NPR3: variants seen among roughly 807,000 people sequenced by gnomAD.
The protein encoded by NPR3 is natriuretic peptide receptor 3.
NPR3 carries 34 observed loss-of-function variants against 54.5 expected under a neutral mutation model. The ratio of observed to expected loss-of-function variants is 0.62; its 90% CI spans 0.47 to 0.83. The LOEUF is 0.83. Among genes scored for constraint, NPR3 ranks in the 40% least tolerant of loss-of-function variants. NPR3 has a pLI of 0.00. For synonymous variants in NPR3, 289 were observed against 297.1 expected (o/e 0.97, Z 0.28); for missense variants, 674 against 720.8 (o/e 0.94, Z 0.74).
chr5:32,780,034 T>C (rs1441149199), intron 4 of NPR3, among the ~76,000 whole-genome samples: 5 of 152,154 alleles, frequency 3.3e-5, no homozygotes, highest in Non-Finnish European at 5.9e-5. Context: ...AGTGGTTAGA[T>C]TCTGATGTGA....
At chr5:32,740,703 A>G (rs1299048338) in intron 3 of NPR3, among the ~76,000 whole-genome samples, 1 of 152,168 alleles carries the variant, frequency 6.6e-6, no homozygotes, top group East Asian at 1.9e-4. Context: ...AAAATTATTA[A>G]TGAGATTTTA....
intron 3 of NPR3, among the ~76,000 whole-genome samples, chr5:32,769,385 G>A (rs1741635865): frequency 6.6e-6 from 1 of 152,140 alleles, no homozygotes; most frequent in Non-Finnish European, 1.5e-5. Flanking sequence ...AGGAGGGCTG[G>A]ACCAGTTTCA....
intron 2 of NPR3, among the ~76,000 whole-genome samples, chr5:32,726,140 T>TA (rs1739126331): frequency 6.6e-6 from 1 of 152,162 alleles, no homozygotes; most frequent in African/African-American, 2.4e-5. Flanking sequence ...AGTGTGTATA[T>TA]CACAAATGGC....
At chr5:32,738,289 C>T (rs776265824) in intron 2 of NPR3, among the ~76,000 whole-genome samples, 1 of 151,850 alleles carries the variant, frequency 6.6e-6, no homozygotes, top group South Asian at 2.1e-4. Flanking sequence ...CCTTCCCCTG[C>T]CCCCCACCCC....
At position 32,775,281 on chromosome 5, in the gene NPR3, T is replaced by C. The variant is rs373316387; in HGVS notation, c.1195+438T>C. ...GGTTTGAGATGATTAGCAGGTTCAATTGAGGCCTCTGCATTTTTTTTTTTT... is the reference window on the plus strand; with the variant it reads ...GGTTTGAGATGATTAGCAGGTTCAACTGAGGCCTCTGCATTTTTTTTTTTT... On this transcript the variant is annotated intron_variant, in intron 4 of 7. Coordinates refer to ENST00000265074, the MANE Select transcript of NPR3 (RefSeq NM_001204375.2). Among the ~76,000 whole-genome samples, 36 of 146,414 alleles carry C rather than the reference T, an allele frequency of 2.5e-4. 1 individual carries two copies. The highest frequency in any genetic ancestry group is 6.9e-3 in the Middle Eastern group (2 of 290).
At chr5:32,713,120 C>T in intron 1 of NPR3, 1 of 960,926 alleles carries the variant, frequency 1.0e-6, no homozygotes, top group Non-Finnish European at 1.2e-6. Flanking sequence ...ATTTCCCTTC[C>T]AGCCCCTTAT....
At chr5:32,743,043 T>G (rs959656375) in intron 3 of NPR3, among the ~76,000 whole-genome samples, 1 of 152,228 alleles carries the variant, frequency 6.6e-6, no homozygotes, top group Admixed American at 6.5e-5. Flanking sequence ...CAGACTATAC[T>G]GAAGCATTGA....
chr5:32,767,760 C>G (rs949330001), intron 3 of NPR3, among the ~76,000 whole-genome samples: 7 of 151,792 alleles, frequency 4.6e-5, no homozygotes, highest in Non-Finnish European at 8.8e-5. Flanking sequence ...AAAAAAAAAG[C>G]CATCCATATA....
At chr5:32,779,597 C>T (rs2112063276) in intron 4 of NPR3, among the ~76,000 whole-genome samples, 1 of 152,230 alleles carries the variant, frequency 6.6e-6, no homozygotes, top group South Asian at 2.1e-4. Context: ...GGCAGATACA[C>T]CTAGGCCAGC....
chr5:32,782,094 A>G (rs1201684612), intron 5 of NPR3, among the ~76,000 whole-genome samples: 1 of 152,218 alleles, frequency 6.6e-6, no homozygotes, highest in Non-Finnish European at 1.5e-5. Context: ...GAATTAAACC[A>G]TAACAGAATA....
chr5:32,724,579 G>C, intron 1 of NPR3, 119 bp from the exon 2 acceptor site: 1 of 1,144,836 alleles, frequency 8.7e-7, no homozygotes, highest in Non-Finnish European at 1.3e-6. Context: ...TGATTGTGAG[G>C]AGATACTTCA....
chr5:32,711,765 T>C lies in NPR3; in HGVS notation c.-12T>C, dbSNP rs1284556649. On this transcript the variant is annotated 5_prime_UTR_variant, in exon 1 of 8. Coordinates refer to ENST00000265074, the MANE Select transcript of NPR3 (RefSeq NM_001204375.2). Reference sequence around the variant, plus strand: ...TCGGCGGCGGCGAGGGCAAGCTCTTTCTTGCGGCACGATGCCGTCTCTGCT... The same window carrying C: ...TCGGCGGCGGCGAGGGCAAGCTCTTCCTTGCGGCACGATGCCGTCTCTGCT... 71 of 1,415,368 alleles carry C rather than the reference T, an allele frequency of 5.0e-5. No individual in the cohort carries two copies. The highest frequency in any genetic ancestry group is 6.2e-5 in the Non-Finnish European group (67 of 1,084,590). The allele number at this position is 1,415,368 out of a possible 1,614,324, so 87.7% of individuals were successfully genotyped here.
At chr5:32,725,246 G>T (rs3792761) in intron 2 of NPR3, among the ~76,000 whole-genome samples, 1 of 151,962 alleles carries the variant, frequency 6.6e-6, no homozygotes, top group Non-Finnish European at 1.5e-5. Flanking sequence ...ACATGTACCC[G>T]TTGTATCTAG....
chr5:32,764,753 A>T (rs1281204561), intron 3 of NPR3, among the ~76,000 whole-genome samples: 1 of 133,088 alleles, frequency 7.5e-6, no homozygotes, highest in East Asian at 2.5e-4. Flanking sequence ...ACGCCACTCC[A>T]TTCCAGCCTG....
intron 3 of NPR3, among the ~76,000 whole-genome samples, chr5:32,750,249 C>T (rs1740508183): frequency 6.6e-6 from 1 of 152,226 alleles, no homozygotes; most frequent in Non-Finnish European, 1.5e-5. Flanking sequence ...CTGCTTCAGC[C>T]TCCCGTGTAG....
chr5:32,743,183 CCT>C (rs1470121038), intron 3 of NPR3, among the ~76,000 whole-genome samples: 9 of 151,984 alleles, frequency 5.9e-5, no homozygotes, highest in African/African-American at 1.7e-4. Context: ...CATCTCTTGC[CCT>C]CTCTCTTTTT....
In NPR3 at chr5:32,789,483, G is replaced by T. The variant is rs376252413; in HGVS notation, c.*3138G>T. On this transcript the variant is annotated 3_prime_UTR_variant, in exon 8 of 8. Coordinates refer to ENST00000265074, the MANE Select transcript of NPR3 (RefSeq NM_001204375.2). ...CTTGAACCACAGGAATGGTTCTACA[G>T]ACCCTACTATAATTCTTCACATTTC... 1.9e-6 allele frequency: 1 copy of T among 534,576 alleles called. No homozygotes were observed. Among genetic ancestry groups the T allele is most frequent in the Admixed American group, 1.9e-5 (1 of 51,570 alleles). 33.1% of individuals were successfully genotyped at this position (534,576 alleles called of 1,614,324 possible).
chr5:32,782,487 C>T (rs575860207), intron 5 of NPR3, among the ~76,000 whole-genome samples: 3 of 152,076 alleles, frequency 2.0e-5, no homozygotes, highest in East Asian at 1.9e-4. Flanking sequence ...TCCTTTTCCA[C>T]GAGGGGGTAG....
chr5:32,744,496 A>G (rs917479996), intron 3 of NPR3, among the ~76,000 whole-genome samples: 4 of 152,214 alleles, frequency 2.6e-5, no homozygotes, highest in Admixed American at 2.0e-4. Flanking sequence ...ATAACTCAAG[A>G]ATTGTATAAA....
Sources: gnomAD v4.1 joint callset for allele counts (sites outside exome capture counted in the v4.1 genomes callset) on GRCh38, gnomAD v4.1.1 for gene constraint, MANE v1.5 for transcripts, NCBI Gene and HGNC (gene_info 2026-07-23, HGNC 2026-07-21) for gene names.